The following RANBP17 variants were observed in gnomAD, a reference collection of about 807,000 sequenced individuals.
The protein encoded by RANBP17 is RAN binding protein 17.
In RANBP17, 158 loss-of-function variants were observed where a neutral mutation model predicts 141.2. The observed-to-expected ratio is 1.12, with a 90% CI of 0.98 to 1.28. The LOEUF is 1.28. Ranked by LOEUF, RANBP17 falls within the 50% of genes most tolerant of loss-of-function variation. RANBP17 has a pLI of 0.00. For missense variants in RANBP17, 1,438 were observed against 1,290.7 expected (o/e 1.11, Z -1.75); for synonymous variants, 430 against 450.0 (o/e 0.96, Z 0.56).
At chr5:171,219,197 T>G (rs906718638) in intron 21 of RANBP17, among the ~76,000 whole-genome samples, 1 of 152,234 alleles carries the variant, frequency 6.6e-6, no homozygotes, top group African/African-American at 2.4e-5. Flanking sequence ...ATTCTTTTCT[T>G]TAAGAATGTT....
chr5:171,103,542 G>A (rs549635122), intron 14 of RANBP17, among the ~76,000 whole-genome samples: 1 of 152,136 alleles, frequency 6.6e-6, no homozygotes, highest in African/African-American at 2.4e-5. Context: ...TAGGCTCCGT[G>A]GGGGTGAGAT....
intron 22 of RANBP17, among the ~76,000 whole-genome samples, chr5:171,226,792 C>G (rs553141195): frequency 6.6e-6 from 1 of 152,264 alleles, no homozygotes; most frequent in East Asian, 1.9e-4. Flanking sequence ...CTGAAAATCA[C>G]TTGCATGTAC....
intron 12 of RANBP17, among the ~76,000 whole-genome samples, chr5:170,931,819 A>G (rs980324258): frequency 3.3e-4 from 50 of 152,118 alleles, no homozygotes; most frequent in African/African-American, 1.0e-3. Flanking sequence ...GCCTTGTAGT[A>G]TAGTTTGAAG....
At chr5:171,160,505 G>A (rs1340292096) in intron 14 of RANBP17, among the ~76,000 whole-genome samples, 1 of 152,098 alleles carries the variant, frequency 6.6e-6, no homozygotes, top group Non-Finnish European at 1.5e-5. Context: ...CCACAGATTA[G>A]GTACTACTCT....
chr5:171,148,995 A>G (rs913100517), intron 14 of RANBP17, among the ~76,000 whole-genome samples: 1 of 152,230 alleles, frequency 6.6e-6, no homozygotes, highest in African/African-American at 2.4e-5. Context: ...ACTTCAGTAC[A>G]AGTGATGTGG....
At chr5:171,191,564 G>A (rs993027506) in intron 18 of RANBP17, among the ~76,000 whole-genome samples, 1 of 151,998 alleles carries the variant, frequency 6.6e-6, no homozygotes, top group South Asian at 2.1e-4. Context: ...GCGGGTCTCT[G>A]TAGTCCCAGC....
At chr5:171,086,148 A>G (rs1785632542) in intron 14 of RANBP17, among the ~76,000 whole-genome samples, 2 of 140,604 alleles carry the variant, frequency 1.4e-5, no homozygotes, top group East Asian at 2.3e-4. Flanking sequence ...ATCAATACCT[A>G]ATTTATTGAG....
At chr5:171,171,380 A>AT in intron 16 of RANBP17, 94 bp downstream of exon 16, 3 of 685,738 alleles carry the variant, frequency 4.4e-6, no homozygotes, top group Admixed American at 2.9e-5. Context: ...AATTTTTGCA[A>AT]TTTTTTAAAA....
chr5:171,022,150 A>G (rs1395149763), intron 14 of RANBP17, among the ~76,000 whole-genome samples: 1 of 152,162 alleles, frequency 6.6e-6, no homozygotes, highest in Non-Finnish European at 1.5e-5. Context: ...AGGCTGGAGA[A>G]CAGGAAAGAT....
At chr5:171,229,819 A>G (rs890564492) in intron 22 of RANBP17, among the ~76,000 whole-genome samples, 3 of 150,656 alleles carry the variant, frequency 2.0e-5, no homozygotes, top group Admixed American at 1.3e-4. Context: ...TAATCCCAGC[A>G]CTTTGGGAGG....
At chr5:171,027,796 G>C (rs1781315108) in intron 14 of RANBP17, among the ~76,000 whole-genome samples, 2 of 152,008 alleles carry the variant, frequency 1.3e-5, no homozygotes, top group African/African-American at 4.8e-5. Context: ...TTATTTTGTA[G>C]AACGGGAATT....
chr5:171,213,267 C>T (rs999756612), intron 20 of RANBP17, among the ~76,000 whole-genome samples: 1 of 151,836 alleles, frequency 6.6e-6, no homozygotes, highest in African/African-American at 2.4e-5. Flanking sequence ...TATTTTTATC[C>T]TCATTCACTA....
chr5:171,137,565 A>T (rs1375952242), intron 14 of RANBP17, among the ~76,000 whole-genome samples: 10 of 107,782 alleles, frequency 9.3e-5, no homozygotes, highest in East Asian at 2.7e-4. Flanking sequence ...GCTTCTGTTG[A>T]CTTGAGATGT....
chr5:171,117,130 C>T (rs1427926099), intron 14 of RANBP17, among the ~76,000 whole-genome samples: 4 of 152,226 alleles, frequency 2.6e-5, no homozygotes, highest in Admixed American at 1.3e-4. Flanking sequence ...AACATGGCAG[C>T]GGGGGTGGTG....
intron 14 of RANBP17, among the ~76,000 whole-genome samples, chr5:171,091,056 C>T (rs1786220359): frequency 6.6e-6 from 1 of 152,164 alleles, no homozygotes; most frequent in Non-Finnish European, 1.5e-5. Context: ...AGAGGGCCAC[C>T]ATCCTCCATA....
chr5:171,235,222 G>A (rs1166610574), intron 22 of RANBP17, among the ~76,000 whole-genome samples: 1 of 152,074 alleles, frequency 6.6e-6, no homozygotes, highest in African/African-American at 2.4e-5. Context: ...CACTTTGAGT[G>A]GAGCGGGCAT....
intron 14 of RANBP17, among the ~76,000 whole-genome samples, chr5:170,972,626 T>C (rs564382904): frequency 1.3e-5 from 2 of 152,332 alleles, no homozygotes; most frequent in East Asian, 1.9e-4. Context: ...TTAGATTGTT[T>C]CCAGATTTTC....
intron 14 of RANBP17, among the ~76,000 whole-genome samples, chr5:171,135,566 A>G (rs1757219617): frequency 1.3e-5 from 2 of 152,188 alleles, no homozygotes; most frequent in South Asian, 4.1e-4. Flanking sequence ...GCAGTTTTAA[A>G]AATTATAATT....
At chr5:170,896,833 C>T (rs1488296418) in intron 5 of RANBP17, 2 of 458,546 alleles carry the variant, frequency 4.4e-6, no homozygotes, top group South Asian at 2.0e-5. Flanking sequence ...CTGTCTCAAA[C>T]AACAATAACA....
Sources: allele counts gnomAD v4.1 joint callset (sites outside exome capture counted in the v4.1 genomes callset), GRCh38; gene constraint gnomAD v4.1.1; transcripts MANE v1.5; gene names NCBI Gene and HGNC (gene_info 2026-07-23, HGNC 2026-07-21).